Variants in NAALADL2 observed in about 807,000 individuals in gnomAD.
The protein encoded by NAALADL2 is inactive N-acetylated-alpha-linked acidic dipeptidase-like protein 2.
A neutral mutation model predicts 87.2 loss-of-function variants in NAALADL2; 76 were observed. The observed-to-expected ratio is 0.87, with a 90% confidence interval of 0.72 to 1.05. NAALADL2 has a LOEUF of 1.05. NAALADL2 is among the 50% of genes least tolerant of loss of function. NAALADL2 has a pLI of 0.00. For missense variants in NAALADL2, 1,089 were observed against 945.8 expected (o/e 1.15, Z -1.99); for synonymous variants, 354 against 331.0 (o/e 1.07, Z -0.75).
chr3:175,095,776 A>G (rs1349605971), intron 1 of NAALADL2, among the ~76,000 whole-genome samples: 1 of 152,134 alleles, frequency 6.6e-6, no homozygotes, highest in African/African-American at 2.4e-5. Context: ...GACACACAGA[A>G]AAATCATAAA....
chr3:174,452,051 C>T (rs1358556438), intron 1 of NAALADL2, among the ~76,000 whole-genome samples: 2 of 151,514 alleles, frequency 1.3e-5, no homozygotes, highest in Non-Finnish European at 2.9e-5. Context: ...CTATGTTGGT[C>T]AGGCTGGTCT....
intron 1 of NAALADL2, among the ~76,000 whole-genome samples, chr3:175,014,177 C>T (rs1178929630): frequency 2.0e-5 from 3 of 152,048 alleles, no homozygotes; most frequent in Non-Finnish European, 4.4e-5. Context: ...CTTCCTACTG[C>T]TCCTCACACA....
rs1578780355 is a variant in NAALADL2, at chr3:174,750,403, CT to C, written c.-9+12659del. ...TCTTGAAGGATATTTCATTTCCATT[CT>C]TCTTCTTCTTCTTCTTCTTTTTTAT... On this transcript the variant is annotated intron_variant, in intron 3 of 3. Coordinates refer to the NAALADL2 transcript ENST00000434257. Among the ~76,000 whole-genome samples, 5 of 143,766 alleles carry C rather than the reference CT, an allele frequency of 3.5e-5. No individual in the cohort carries two copies. In the East Asian group the frequency reaches 9.8e-4, roughly 28 times the overall value. 94.3% of individuals were successfully genotyped at this position (143,766 alleles called of 152,430 possible). A position where few individuals can be genotyped will look rare whatever the true frequency, so the allele number is the denominator to read the frequency against.
At chr3:174,538,678 A>G (rs892153380) in intron 1 of NAALADL2, among the ~76,000 whole-genome samples, 1 of 152,122 alleles carries the variant, frequency 6.6e-6, no homozygotes, top group African/African-American at 2.4e-5. Context: ...GAAGCCTGCT[A>G]CCTGGAGGCT....
Position 175,393,857 on chromosome 3 carries a change from G to T in NAALADL2, c.1091-53372G>T, listed in dbSNP as rs114181543. 5.2e-3 allele frequency among the ~76,000 whole-genome samples: 785 copies of T among 152,274 alleles called. 2 individuals carry two copies. Among genetic ancestry groups the T allele is most frequent in the Non-Finnish European group, 8.9e-3 (605 of 68,020 alleles). Reference sequence around the variant, plus strand: ...AATTGTCCTAAAAATGTCTTTGGTAGCTATGTCTTCAACCCAACCAGTCCC... The same window carrying T: ...AATTGTCCTAAAAATGTCTTTGGTATCTATGTCTTCAACCCAACCAGTCCC... On this transcript the variant is annotated intron_variant, in intron 5 of 13. Transcript: ENST00000454872.
rs113969403 is a variant in NAALADL2, at chr3:175,225,938, C to T, written c.546-7993C>T. On this transcript the variant is annotated intron_variant, in intron 2 of 13. Coordinates refer to ENST00000454872, the MANE Select transcript of NAALADL2 (RefSeq NM_207015.3). ...AGAGTTATAATACTGGATTTTTTTTCTGGCACAGGTAATAGTAGATGTGTT... is the reference window on the plus strand; with the variant it reads ...AGAGTTATAATACTGGATTTTTTTTTTGGCACAGGTAATAGTAGATGTGTT... 1.6e-3 allele frequency among the ~76,000 whole-genome samples: 249 copies of T among 152,124 alleles called. 3 individuals are homozygous for T. Among genetic ancestry groups the T allele is most frequent in the South Asian group, 6.0e-3 (29 of 4,824 alleles).
At chr3:174,707,034 A>C (rs1179973676) in intron 2 of NAALADL2, among the ~76,000 whole-genome samples, 2 of 152,224 alleles carry the variant, frequency 1.3e-5, no homozygotes, top group African/African-American at 2.4e-5. Flanking sequence ...GCCAACAGAC[A>C]CATGAAAAAA....
chr3:174,623,735 T>C (rs1721271608), intron 2 of NAALADL2, among the ~76,000 whole-genome samples: 1 of 152,140 alleles, frequency 6.6e-6, no homozygotes, highest in South Asian at 2.1e-4. Flanking sequence ...TAAATTGCTC[T>C]GATTTCTAAG....
chr3:175,684,800 C>T (rs1218008660), intron 11 of NAALADL2, among the ~76,000 whole-genome samples: 1 of 151,332 alleles, frequency 6.6e-6, no homozygotes, highest in Non-Finnish European at 1.5e-5. Context: ...TAGGAATTGT[C>T]TCAAAAAAAA....
chr3:175,314,662 C>A (rs1315357338), intron 4 of NAALADL2, among the ~76,000 whole-genome samples: 3 of 37,480 alleles, frequency 8.0e-5, no homozygotes, highest in East Asian at 1.6e-3. Flanking sequence ...ATATATAGTT[C>A]TAACTATATA....
At chr3:174,705,910 A>T (rs1730024021) in intron 2 of NAALADL2, among the ~76,000 whole-genome samples, 1 of 152,158 alleles carries the variant, frequency 6.6e-6, no homozygotes, top group South Asian at 2.1e-4. Flanking sequence ...ATTAGCAAAA[A>T]GTCTAGAATT....
chr3:174,586,539 G>A (rs937178737), intron 2 of NAALADL2, among the ~76,000 whole-genome samples: 1 of 152,322 alleles, frequency 6.6e-6, no homozygotes, highest in East Asian at 1.9e-4. Flanking sequence ...CAGTTGGCTG[G>A]ATAGCAGAAC....
intron 3 of NAALADL2, among the ~76,000 whole-genome samples, chr3:174,781,806 T>G (rs898488429): frequency 6.6e-6 from 1 of 152,002 alleles, no homozygotes; most frequent in Non-Finnish European, 1.5e-5. Context: ...GAACTTACAG[T>G]GGAGAAATAG....
intron 4 of NAALADL2, among the ~76,000 whole-genome samples, chr3:175,317,501 T>C (rs953556359): frequency 2.0e-5 from 3 of 151,976 alleles, no homozygotes; most frequent in African/African-American, 7.2e-5. Context: ...GCTCTCAAGA[T>C]AGAAATATTT....
intron 3 of NAALADL2, among the ~76,000 whole-genome samples, chr3:174,790,721 T>C (rs1289742948): frequency 1.3e-5 from 2 of 152,098 alleles, no homozygotes; most frequent in African/African-American, 2.4e-5. Context: ...TCTATAATTA[T>C]GTCAGTGTGT....
chr3:175,785,326 T>C (rs2150232180), intron 13 of NAALADL2, among the ~76,000 whole-genome samples: 1 of 148,538 alleles, frequency 6.7e-6, no homozygotes, highest in South Asian at 2.1e-4. Context: ...CCATTATTAA[T>C]GTGTGGGAGT....
rs573440076 is a variant in NAALADL2, at chr3:174,751,369, A to G, written c.-9+13623A>G. ...AAAAGTATTAATGTAAATTAATATCATAAAAGTTTATGGCCAGACGCAGTT... is the reference window on the plus strand; with the variant it reads ...AAAAGTATTAATGTAAATTAATATCGTAAAAGTTTATGGCCAGACGCAGTT... On this transcript the variant is annotated intron_variant, in intron 3 of 3. Transcript: ENST00000434257. Among the ~76,000 whole-genome samples, 14 of 152,278 alleles carry G rather than the reference A, an allele frequency of 9.2e-5. 1 individual carries two copies. Among genetic ancestry groups the G allele is most frequent in the Middle Eastern group, 6.8e-3 (2 of 294 alleles).
At chr3:174,799,562 T>A (rs1229370950) in intron 3 of NAALADL2, among the ~76,000 whole-genome samples, 3 of 152,238 alleles carry the variant, frequency 2.0e-5, no homozygotes, top group Non-Finnish European at 2.9e-5. Flanking sequence ...CACATGGAAC[T>A]GTAAGTCCCT....
chr3:174,642,051 C>T (rs898129486), intron 2 of NAALADL2, among the ~76,000 whole-genome samples: 6 of 152,114 alleles, frequency 3.9e-5, no homozygotes, highest in Admixed American at 2.0e-4. Flanking sequence ...GAGCCACTGC[C>T]GGGCCAACTT....
Sources: allele counts gnomAD v4.1 joint callset (sites outside exome capture counted in the v4.1 genomes callset), GRCh38; gene constraint gnomAD v4.1.1; transcripts MANE v1.5; gene names NCBI Gene and HGNC (gene_info 2026-07-23, HGNC 2026-07-21).